Variants in HIVEP1 observed in about 807,000 individuals in gnomAD.
HIVEP1 encodes the protein zinc finger protein 40.
In HIVEP1, 36 loss-of-function variants were observed where a neutral mutation model predicts 180.0. The ratio of observed to expected loss-of-function variants is 0.20; its 90% confidence interval spans 0.15 to 0.26. The LOEUF (loss-of-function observed/expected upper bound fraction) is 0.26. HIVEP1 is among the 10% of genes least tolerant of loss of function. The pLI is 1.00. For missense variants in HIVEP1, 3,143 were observed against 3,268.7 expected (o/e 0.96, Z 0.94); for synonymous variants, 1,239 against 1,239.0 (o/e 1.00, Z 0.00).
chr6:12,101,032 G>C (rs1462744886), intron 3 of HIVEP1, among the ~76,000 whole-genome samples: 1 of 152,176 alleles, frequency 6.6e-6, no homozygotes. Context: ...TTGTCTTTCA[G>C]CTTTCTGCTA....
chr6:12,178,950 C>T, the HIVEP1 span, among the ~76,000 whole-genome samples: 4 of 152,140 alleles, frequency 2.6e-5, no homozygotes, highest in Non-Finnish European at 5.9e-5. Context: ...ATCTCCAAGA[C>T]ATGTTTTGAG....
intron 2 of HIVEP1, among the ~76,000 whole-genome samples, chr6:12,045,662 T>G (rs1770072972): frequency 6.6e-6 from 1 of 152,200 alleles, no homozygotes; most frequent in Admixed American, 6.5e-5. Flanking sequence ...AGGTGATTGA[T>G]TGTAACCCAC....
At chr6:12,090,735 CTTTTTTT>C (rs35266647) in intron 3 of HIVEP1, among the ~76,000 whole-genome samples, 2 of 82,468 alleles carry the variant, frequency 2.4e-5, no homozygotes, top group Non-Finnish European at 4.5e-5. Context: ...TATAGCCAGC[CTTTTTTT>C]TTTTTTTTTT....
At chr6:12,195,521 T>G in the HIVEP1 span, among the ~76,000 whole-genome samples, 1 of 152,222 alleles carries the variant, frequency 6.6e-6, no homozygotes, top group Non-Finnish European at 1.5e-5. Flanking sequence ...TCCTCTACAA[T>G]TTTACATCTA....
At chr6:12,203,840 G>T in the HIVEP1 span, among the ~76,000 whole-genome samples, 2 of 152,174 alleles carry the variant, frequency 1.3e-5, no homozygotes, top group Non-Finnish European at 2.9e-5. Context: ...ACTTTGGGGG[G>T]CCAAGGCAAG....
chr6:12,090,406 T>C (rs1278066388), intron 3 of HIVEP1, among the ~76,000 whole-genome samples: 3 of 152,126 alleles, frequency 2.0e-5, no homozygotes, highest in Admixed American at 6.5e-5. Flanking sequence ...GGAAATAATT[T>C]CCTGCCATCC....
intron 7 of HIVEP1, among the ~76,000 whole-genome samples, chr6:12,145,608 T>C (rs1182250162): frequency 6.6e-6 from 1 of 151,648 alleles, no homozygotes; most frequent in Non-Finnish European, 1.5e-5. Flanking sequence ...GTTTGATCAG[T>C]GGGGCCTTCC....
chr6:12,094,826 G>T (rs1167892046), intron 3 of HIVEP1, among the ~76,000 whole-genome samples: 1 of 151,988 alleles, frequency 6.6e-6, no homozygotes, highest in Non-Finnish European at 1.5e-5. Context: ...ATATGCTTCT[G>T]ATTCCCATGG....
At chr6:12,105,058 C>T (rs1774344062) in intron 3 of HIVEP1, among the ~76,000 whole-genome samples, 1 of 152,134 alleles carries the variant, frequency 6.6e-6, no homozygotes, top group South Asian at 2.1e-4. Flanking sequence ...ATGTTTTAAG[C>T]CTAAGTTGAC....
the HIVEP1 span, among the ~76,000 whole-genome samples, chr6:12,198,467 T>C: frequency 6.6e-6 from 1 of 152,048 alleles, no homozygotes; most frequent in Non-Finnish European, 1.5e-5. Flanking sequence ...AAGGTATTTA[T>C]TTATTCATTC....
At chr6:12,103,481 G>A (rs1028721030) in intron 3 of HIVEP1, among the ~76,000 whole-genome samples, 6 of 152,108 alleles carry the variant, frequency 3.9e-5, no homozygotes, top group Admixed American at 6.5e-5. Context: ...GTGAGCGGAA[G>A]TGGTAACTGG....
chr6:12,130,330 A>C (rs1178932034), intron 5 of HIVEP1, among the ~76,000 whole-genome samples: 2 of 152,258 alleles, frequency 1.3e-5, no homozygotes, highest in Non-Finnish European at 2.9e-5. Context: ...AATTTAGCAA[A>C]GAAGAACAAA....
intron 2 of HIVEP1, among the ~76,000 whole-genome samples, chr6:12,025,976 T>A (rs1442357352): frequency 6.6e-6 from 1 of 151,626 alleles, no homozygotes; most frequent in African/African-American, 2.4e-5. Context: ...GGAAGCAGAG[T>A]TTGCAGTGAG....
At chr6:12,068,712 C>G (rs1397926358) in intron 2 of HIVEP1, among the ~76,000 whole-genome samples, 1 of 152,138 alleles carries the variant, frequency 6.6e-6, no homozygotes, top group Non-Finnish European at 1.5e-5. Flanking sequence ...CACTTATATA[C>G]TTTCAGGGAA....
At chr6:12,109,140 C>G (rs993365645) in intron 3 of HIVEP1, among the ~76,000 whole-genome samples, 1 of 143,556 alleles carries the variant, frequency 7.0e-6, no homozygotes. Context: ...CCACCACGCC[C>G]GGCTAATTTT....
At chr6:12,168,108 T>TATTATATATACATATATAC (rs1562024491), downstream of HIVEP1, among the ~76,000 whole-genome samples, 2 of 7,742 alleles carry the variant, frequency 2.6e-4, no homozygotes, top group African/African-American at 4.8e-4. Flanking sequence ...CACGTATATA[T>TATTATATATACATATATAC]GTATATTATA....
rs190920513 is a variant in HIVEP1 at position 12,109,551 on chromosome 6, C to T, written c.95-10339C>T. Among the ~76,000 whole-genome samples, 35 of 152,332 alleles carry T rather than the reference C, an allele frequency of 2.3e-4. No individual in the cohort carries two copies. The East Asian group carries it at 4.0e-3, about 18-fold the overall frequency. ...ATCTCAAGAAACCACTTTCTTTGCT[C>T]GTCCATAGAAGCATCTCCTTATCCA... is the stretch of plus-strand genomic sequence containing the variant. On this transcript the variant is annotated intron_variant, in intron 3 of 8. Coordinates refer to ENST00000379388, the MANE Select transcript of HIVEP1 (RefSeq NM_002114.4).
chr6:12,108,873 C>T (rs909873443), intron 3 of HIVEP1, among the ~76,000 whole-genome samples: 1 of 152,250 alleles, frequency 6.6e-6, no homozygotes, highest in African/African-American at 2.4e-5. Flanking sequence ...CCTCAGGTGC[C>T]GCCAAAGTGG....
the HIVEP1 span, among the ~76,000 whole-genome samples, chr6:12,191,360 T>G: frequency 1.3e-5 from 2 of 152,188 alleles, no homozygotes; most frequent in South Asian, 2.1e-4. Flanking sequence ...GAGGCCTAGG[T>G]GGGAGGATGG....
Sources: allele counts gnomAD v4.1 joint callset (sites outside exome capture counted in the v4.1 genomes callset), GRCh38; gene constraint gnomAD v4.1.1; transcripts MANE v1.5; gene names NCBI Gene and HGNC (gene_info 2026-07-23, HGNC 2026-07-21).